The following DACH2 variants were observed in gnomAD, a reference collection of about 807,000 sequenced individuals.
The protein encoded by DACH2 is dachshund family transcription factor 2, also known as dachshund homolog 2.
DACH2 carries 17 observed loss-of-function variants against 35.8 expected under a neutral mutation model. That is an observed-to-expected ratio of 0.48 (90% CI 0.33 to 0.71). The LOEUF is 0.71. DACH2 is among the 30% of genes least tolerant of loss of function. The pLI is 0.02. For synonymous variants in DACH2, 195 were observed against 177.3 expected (o/e 1.10, Z -0.79); for missense variants, 469 against 472.7 (o/e 0.99, Z 0.07).
intron 4 of DACH2, among the ~76,000 whole-genome samples, chrX:86,653,171 C>T (rs886982006): frequency 8.9e-6 from 1 of 112,045 alleles, no homozygotes; most frequent in East Asian, 2.8e-4. Flanking sequence ...TATCCCAGCA[C>T]CATTTATTGA....
At chrX:86,189,996 T>G (rs1356312178) in intron 1 of DACH2, among the ~76,000 whole-genome samples, 1 of 109,410 alleles carries the variant, frequency 9.1e-6, no homozygotes, top group Non-Finnish European at 1.9e-5. Flanking sequence ...AAACCCCGTC[T>G]CTACTAAAAA....
Position 86,705,027 on chromosome X carries a change from G to GTT in DACH2, c.932-9520_932-9519dup, listed in dbSNP as rs1389514056. Among the ~76,000 whole-genome samples the GTT allele has an allele frequency of 8.5e-5, 3 of 35,403 alleles. No homozygotes were observed. The East Asian group carries it at 2.3e-3, about 28-fold the overall frequency. 30.7% of individuals were successfully genotyped at this position (35,403 alleles called of 115,157 possible). On this transcript the variant is annotated intron_variant, in intron 5 of 11. Transcript: ENST00000373125. Reference sequence around the variant, plus strand: ...CAATCAACAAGTGGATACAGAAATTGTTATATATATATATATATCTCACAT... The same window carrying GTT: ...CAATCAACAAGTGGATACAGAAATTGTTTTATATATATATATATATCTCACAT...
chrX:86,385,559 A>G (rs748979634), intron 2 of DACH2, among the ~76,000 whole-genome samples: 4 of 112,098 alleles, frequency 3.6e-5, no homozygotes, highest in Non-Finnish European at 7.5e-5. Context: ...TAGAGCATAT[A>G]GAAGGATGGG....
intron 6 of DACH2, among the ~76,000 whole-genome samples, chrX:86,722,053 T>C (rs111988040): frequency 8.9e-6 from 1 of 112,145 alleles, no homozygotes; most frequent in Non-Finnish European, 1.9e-5. Context: ...CCAGACCTTA[T>C]TACTGGGACT....
chrX:86,673,357 A>AAAG lies in DACH2; in HGVS notation c.773-21652_773-21650dup, dbSNP rs1179810645. 1.1e-3 allele frequency among the ~76,000 whole-genome samples: 117 copies of AAAG among 107,766 alleles called. 1 individual carries two copies. The highest frequency in any genetic ancestry group is 9.9e-3 in the East Asian group (34 of 3,425). The allele number at this position is 107,766 out of a possible 115,157, so 93.6% of individuals were successfully genotyped here. ...TCTCAAAAAAAAAAAAAAAAAAAAA[A>AAAG]AAGAAGAAGAAGAATATTTTGGAGC... is the stretch of plus-strand genomic sequence containing the variant. On this transcript the variant is annotated intron_variant, in intron 4 of 11. Transcript: ENST00000373125.
chrX:86,265,331 A>G (rs774675268), intron 1 of DACH2, among the ~76,000 whole-genome samples: 6 of 111,846 alleles, frequency 5.4e-5, no homozygotes, highest in East Asian at 5.6e-4. Context: ...TAAAAGACCA[A>G]TGTCACCCTT....
chrX:86,384,481 A>G (rs979526794), intron 2 of DACH2, among the ~76,000 whole-genome samples: 2 of 111,834 alleles, frequency 1.8e-5, no homozygotes, highest in Non-Finnish European at 3.8e-5. Context: ...TCCTTGAAGG[A>G]ATTATGTTCC....
At chrX:86,381,749 ATTG>A (rs1040969541) in intron 2 of DACH2, among the ~76,000 whole-genome samples, 1 of 110,913 alleles carries the variant, frequency 9.0e-6, no homozygotes, top group African/African-American at 3.3e-5. Context: ...ATTTGTGAAA[ATTG>A]TTGTAACACT....
intron 4 of DACH2, among the ~76,000 whole-genome samples, chrX:86,675,323 C>A (rs551381511): frequency 9.0e-6 from 1 of 111,699 alleles, no homozygotes; most frequent in African/African-American, 3.3e-5. Context: ...AGATAATCAT[C>A]ATTTGAGAGG....
chrX:86,411,605 C>T (rs1290499903), intron 2 of DACH2, among the ~76,000 whole-genome samples: 3 of 111,664 alleles, frequency 2.7e-5, no homozygotes, highest in East Asian at 5.7e-4. Context: ...GTTAACAATA[C>T]TTAAATGCTG....
At chrX:86,487,821 C>T (rs2038039859) in intron 2 of DACH2, among the ~76,000 whole-genome samples, 1 of 111,345 alleles carries the variant, frequency 9.0e-6, no homozygotes, top group Admixed American at 9.6e-5. Context: ...AATATTTCTC[C>T]ACGAAGTAAA....
chrX:86,747,130 G>A (rs1446538475), intron 7 of DACH2, among the ~76,000 whole-genome samples: 1 of 111,200 alleles, frequency 9.0e-6, no homozygotes, highest in Non-Finnish European at 1.9e-5. Context: ...AGACATATGA[G>A]TCTTTTATTA....
chrX:86,158,840 G>T (rs1433084336), intron 1 of DACH2, among the ~76,000 whole-genome samples: 1 of 107,213 alleles, frequency 9.3e-6, no homozygotes, highest in Admixed American at 1.0e-4. Context: ...ACTTTTTTCA[G>T]TCTTCGGAAT....
chrX:86,516,230 C>T (rs1392231261), intron 3 of DACH2, among the ~76,000 whole-genome samples: 2 of 111,835 alleles, frequency 1.8e-5, no homozygotes, highest in Non-Finnish European at 3.8e-5. Context: ...AATGAATGAC[C>T]ATCTATTTCT....
At chrX:86,244,173 C>A (rs1439132070) in intron 1 of DACH2, among the ~76,000 whole-genome samples, 2 of 111,433 alleles carry the variant, frequency 1.8e-5, no homozygotes, top group African/African-American at 6.5e-5. Context: ...AGTGAAGCCA[C>A]ATAGCAAAGC....
At chrX:86,775,376 C>G (rs1414690443) in intron 7 of DACH2, among the ~76,000 whole-genome samples, 1 of 111,339 alleles carries the variant, frequency 9.0e-6, no homozygotes. Flanking sequence ...TCCTCGAGCC[C>G]CACCTCCTGT....
At chrX:86,510,513 GGTGA>G (rs1271428054) in intron 2 of DACH2, among the ~76,000 whole-genome samples, 2 of 111,628 alleles carry the variant, frequency 1.8e-5, no homozygotes, top group Non-Finnish European at 3.8e-5. Context: ...CAGGAAGCTG[GGTGA>G]GTATTTCATT....
chrX:86,152,896 G>C (rs2030413826), intron 1 of DACH2, among the ~76,000 whole-genome samples: 1 of 111,693 alleles, frequency 9.0e-6, no homozygotes, highest in African/African-American at 3.2e-5. Flanking sequence ...GGCAGGTTTA[G>C]AAAGTAAATG....
At chrX:86,254,804 A>ATC (rs2033480471) in intron 1 of DACH2, among the ~76,000 whole-genome samples, 1 of 74,462 alleles carries the variant, frequency 1.3e-5, no homozygotes, top group Non-Finnish European at 2.4e-5. Context: ...ATATATATAT[A>ATC]TATAGAGAGA....
Sources: gnomAD v4.1 joint callset for allele counts (sites outside exome capture counted in the v4.1 genomes callset) on GRCh38, gnomAD v4.1.1 for gene constraint, MANE v1.5 for transcripts, NCBI Gene and HGNC (gene_info 2026-07-23, HGNC 2026-07-21) for gene names.